The following UMAD1 variants were observed in gnomAD, a reference collection of about 807,000 sequenced individuals.
UMAD1 encodes UBAP1-MVB12-associated (UMA)-domain containing protein 1.
UMAD1 carries 8 observed loss-of-function variants against 6.1 expected under a neutral mutation model. The observed-to-expected ratio is 1.30, with a 90% CI of 0.76 to 2.35. The LOEUF (loss-of-function observed/expected upper bound fraction) is 2.35. Among genes scored for constraint, UMAD1 ranks in the 30% most tolerant of loss-of-function variants. The pLI is 0.00. For missense variants in UMAD1, 130 were observed against 78.4 expected (o/e 1.66, Z -2.49); for synonymous variants, 56 against 31.4 (o/e 1.78, Z -2.61).
rs548379896 is a variant in UMAD1, at chr7:7,780,543, C to A, written c.83-21127C>A. On this transcript the variant is annotated intron_variant, in intron 2 of 3. Transcript: ENST00000682710. ...CATGCACAAACGATAAGTTTGATAA[C>A]CTTTCACAAAATGTCGTTAGCGTCC... 3.9e-5 allele frequency among the ~76,000 whole-genome samples: 6 copies of A among 152,252 alleles called. No individual in the cohort carries two copies. The East Asian group carries it at 1.2e-3, about 29-fold the overall frequency.
chr7:7,849,444 A>C (rs1017006731), intron 3 of UMAD1, among the ~76,000 whole-genome samples: 2 of 152,170 alleles, frequency 1.3e-5, no homozygotes, highest in Non-Finnish European at 2.9e-5. Flanking sequence ...TGCACATAGA[A>C]GTTTACCCAG....
intron 2 of UMAD1, among the ~76,000 whole-genome samples, chr7:7,729,826 A>C (rs541127074): frequency 1.3e-5 from 2 of 152,178 alleles, no homozygotes; most frequent in South Asian, 4.2e-4. Flanking sequence ...ACCTTGAAAA[A>C]CGTAAATTTT....
chr7:7,757,260 T>C (rs1057194310), intron 2 of UMAD1, among the ~76,000 whole-genome samples: 6 of 152,206 alleles, frequency 3.9e-5, no homozygotes, highest in African/African-American at 1.4e-4. Flanking sequence ...TTTTTCACAC[T>C]ATGAGGTATC....
intron 2 of UMAD1, among the ~76,000 whole-genome samples, chr7:7,764,811 C>G: frequency 6.6e-6 from 1 of 152,130 alleles, no homozygotes; most frequent in Admixed American, 6.5e-5. Context: ...TCTAAGCACC[C>G]TTTTTGATCT....
At chr7:7,653,582 G>T (rs191219644) in intron 1 of UMAD1, among the ~76,000 whole-genome samples, 1 of 152,300 alleles carries the variant, frequency 6.6e-6, no homozygotes, top group East Asian at 1.9e-4. Flanking sequence ...CATTCACAGA[G>T]GAGTTACAAC....
chr7:7,808,825 G>A lies in UMAD1; in HGVS notation c.156+7082G>A, dbSNP rs954239352. On this transcript the variant is annotated intron_variant, in intron 3 of 3. Coordinates refer to ENST00000682710, the MANE Select transcript of UMAD1 (RefSeq NM_001302348.2). ...TTGTGTATTTGTCTTGAGTGATAAC[G>A]AATTCACATATGCATATGGAGACAC... Among the ~76,000 whole-genome samples the A allele has an allele frequency of 2.0e-5, 3 of 151,956 alleles. No homozygotes were observed. In the East Asian group the frequency reaches 5.8e-4, roughly 29 times the overall value.
At chr7:7,824,363 A>G (rs910799847) in intron 3 of UMAD1, among the ~76,000 whole-genome samples, 2 of 152,162 alleles carry the variant, frequency 1.3e-5, no homozygotes, top group Admixed American at 6.6e-5. Flanking sequence ...TCAGTGCTCA[A>G]TGCTACAGCA....
intron 2 of UMAD1, among the ~76,000 whole-genome samples, chr7:7,757,511 C>T (rs1244230995): frequency 6.6e-6 from 1 of 152,066 alleles, no homozygotes; most frequent in Non-Finnish European, 1.5e-5. Context: ...CTTAAGCTAC[C>T]AAAGTAAAGC....
At chr7:7,871,901 A>G (rs138398540) in intron 3 of UMAD1, among the ~76,000 whole-genome samples, 1 of 152,006 alleles carries the variant, frequency 6.6e-6, no homozygotes, top group Non-Finnish European at 1.5e-5. Context: ...GCTGCTGGAG[A>G]GTTAAGCCTT....
At chr7:7,755,483 G>T (rs1441689852) in intron 2 of UMAD1, among the ~76,000 whole-genome samples, 1 of 152,196 alleles carries the variant, frequency 6.6e-6, no homozygotes, top group African/African-American at 2.4e-5. Context: ...TCAGAATTCA[G>T]AGTCTAAATT....
Position 7,671,345 on chromosome 7 carries a change from T to G in UMAD1, c.-63-1964T>G, listed in dbSNP as rs375601788. On this transcript the variant is annotated intron_variant, in intron 1 of 3. Transcript: ENST00000682710. ...ATATCTTGGCTCCACAAGGCTTCAGTTGGAGACCCACACCCTTAGTCTCTT... is the reference window on the plus strand; with the variant it reads ...ATATCTTGGCTCCACAAGGCTTCAGGTGGAGACCCACACCCTTAGTCTCTT... Among the ~76,000 whole-genome samples, 10 of 152,300 alleles carry G rather than the reference T, an allele frequency of 6.6e-5. No individual in the cohort carries two copies. The East Asian group carries it at 1.2e-3, about 18-fold the overall frequency.
intron 1 of UMAD1, among the ~76,000 whole-genome samples, chr7:7,647,391 G>C (rs985963641): frequency 3.9e-5 from 6 of 152,140 alleles, no homozygotes; most frequent in African/African-American, 7.2e-5. Context: ...TGTGAGGCTT[G>C]CTTTAAGGCT....
At chr7:7,760,839 A>G (rs879557533) in intron 2 of UMAD1, among the ~76,000 whole-genome samples, 2 of 152,228 alleles carry the variant, frequency 1.3e-5, no homozygotes, top group Non-Finnish European at 2.9e-5. Context: ...AGTACCACTG[A>G]AGATTTTTTG....
intron 2 of UMAD1, among the ~76,000 whole-genome samples, chr7:7,712,006 T>G (rs537102199): frequency 1.3e-5 from 2 of 152,238 alleles, no homozygotes; most frequent in African/African-American, 4.8e-5. Context: ...TTGGATTAAT[T>G]CATCTTCTTT....
chr7:7,853,421 A>G (rs1783956567), intron 3 of UMAD1, among the ~76,000 whole-genome samples: 1 of 152,044 alleles, frequency 6.6e-6, no homozygotes, highest in Admixed American at 6.5e-5. Flanking sequence ...CCATCTTAAC[A>G]ATACTGTCTT....
rs34214373 is a variant in UMAD1 at position 7,827,177 on chromosome 7, G to GTGTGTGTGTA, written c.156+25435_156+25436insGTGTGTGTAT. On this transcript the variant is annotated intron_variant, in intron 3 of 3. Coordinates refer to ENST00000682710, the MANE Select transcript of UMAD1 (RefSeq NM_001302348.2). ...TGTGTGTGTGTGTGTGTGTGTGTGTGTATCACATGAAAATTTAAATAATGG... is the reference window on the plus strand; with the variant it reads ...TGTGTGTGTGTGTGTGTGTGTGTGTGTGTGTGTGTATATCACATGAAAATTTAAATAATGG... 5.2e-3 allele frequency among the ~76,000 whole-genome samples: 761 copies of GTGTGTGTGTA among 146,974 alleles called. 3 individuals are homozygous for GTGTGTGTGTA. The highest frequency in any genetic ancestry group is 9.0e-3 in the African/African-American group (341 of 38,068).
At chr7:7,818,943 A>T (rs539969003) in intron 3 of UMAD1, among the ~76,000 whole-genome samples, 6 of 152,114 alleles carry the variant, frequency 3.9e-5, no homozygotes, top group Non-Finnish European at 8.8e-5. Context: ...TCCACCTCCC[A>T]GGTCCAAGCG....
chr7:7,737,328 C>T (rs1781379546), intron 2 of UMAD1, among the ~76,000 whole-genome samples: 1 of 152,166 alleles, frequency 6.6e-6, no homozygotes, highest in Admixed American at 6.5e-5. Flanking sequence ...ACGTTTAGAT[C>T]TAATAACTTA....
intron 2 of UMAD1, among the ~76,000 whole-genome samples, chr7:7,786,090 A>G (rs991119565): frequency 2.0e-5 from 3 of 152,210 alleles, no homozygotes; most frequent in Non-Finnish European, 4.4e-5. Context: ...ATTACTTTCC[A>G]ATACCTGAGT....
Sources: allele counts gnomAD v4.1 joint callset (sites outside exome capture counted in the v4.1 genomes callset), GRCh38; gene constraint gnomAD v4.1.1; transcripts MANE v1.5; gene names NCBI Gene and HGNC (gene_info 2026-07-23, HGNC 2026-07-21).